The following FHIP1A variants were observed in gnomAD, a reference collection of about 807,000 sequenced individuals.
FHIP1A encodes FHF complex subunit HOOK-interacting protein 1A.
A neutral mutation model predicts 88.6 loss-of-function variants in FHIP1A; 61 were observed. The ratio of observed to expected loss-of-function variants is 0.69; its 90% CI spans 0.56 to 0.85. FHIP1A has a LOEUF of 0.85. Among genes scored for constraint, FHIP1A ranks in the 40% least tolerant of loss-of-function variants. The pLI, the probability that FHIP1A is intolerant of heterozygous loss-of-function variation, is 0.00. For missense variants in FHIP1A, 1,154 were observed against 1,273.5 expected (o/e 0.91, Z 1.43); for synonymous variants, 478 against 496.0 (o/e 0.96, Z 0.48).
At chr4:151,459,983 T>G (rs1403553028) in intron 2 of FHIP1A, among the ~76,000 whole-genome samples, 3 of 152,204 alleles carry the variant, frequency 2.0e-5, no homozygotes, top group Non-Finnish European at 4.4e-5. Flanking sequence ...AAAGGGAATC[T>G]TTAGATTGCT....
At chr4:151,653,588 T>C (rs1737114008) in intron 11 of FHIP1A, among the ~76,000 whole-genome samples, 1 of 152,206 alleles carries the variant, frequency 6.6e-6, no homozygotes, top group Admixed American at 6.5e-5. Flanking sequence ...ACTTAGCACA[T>C]TGCCTGGCAG....
At chr4:151,515,151 T>G (rs1731181167) in intron 3 of FHIP1A, among the ~76,000 whole-genome samples, 1 of 152,158 alleles carries the variant, frequency 6.6e-6, no homozygotes, top group African/African-American at 2.4e-5. Context: ...TGGTTCAATA[T>G]ATGCAAATCA....
chr4:151,420,347 A>G (rs181125710), intron 1 of FHIP1A, among the ~76,000 whole-genome samples: 3,638 of 37,728 alleles, frequency 0.096, 1,175 homozygotes, highest in African/African-American at 0.32. Context: ...GCCAGTGATG[A>G]TGAGCATTTC....
At chr4:151,502,843 T>A (rs1205114932) in intron 3 of FHIP1A, among the ~76,000 whole-genome samples, 1 of 152,174 alleles carries the variant, frequency 6.6e-6, no homozygotes, top group East Asian at 1.9e-4. Context: ...TAGAGAGGTG[T>A]CATTTCTCTG....
intron 9 of FHIP1A, among the ~76,000 whole-genome samples, chr4:151,640,264 G>A (rs1736537464): frequency 1.3e-5 from 2 of 152,322 alleles, no homozygotes; most frequent in East Asian, 3.9e-4. Flanking sequence ...GTGTGAAAAA[G>A]CTGGTAGTGG....
At chr4:151,415,836 C>G (rs944437560) in intron 1 of FHIP1A, among the ~76,000 whole-genome samples, 3 of 151,922 alleles carry the variant, frequency 2.0e-5, no homozygotes, top group Non-Finnish European at 4.4e-5. Flanking sequence ...ATTTCAGGTT[C>G]TTTTTGGTTT....
Position 151,526,332 on chromosome 4 carries a change from G to A in FHIP1A, c.-122-39806G>A, listed in dbSNP as rs564422176. On this transcript the variant is annotated intron_variant, in intron 3 of 13. Coordinates refer to ENST00000435205, the MANE Select transcript of FHIP1A (RefSeq NM_001109977.3). ...GAGCTCCTCACTTCCCAGTAGGGGC[G>A]GCCGGGCAGAGGCGCCCCTCACCTC... 1.8e-4 allele frequency among the ~76,000 whole-genome samples: 28 copies of A among 152,072 alleles called. No homozygotes were observed. In the South Asian group the frequency reaches 3.1e-3, roughly 17 times the overall value.
chr4:151,431,457 A>G (rs1733588949), intron 1 of FHIP1A, among the ~76,000 whole-genome samples: 1 of 152,060 alleles, frequency 6.6e-6, no homozygotes, highest in Non-Finnish European at 1.5e-5. Flanking sequence ...TTTGTAATGT[A>G]TTTAATAGGT....
intron 3 of FHIP1A, among the ~76,000 whole-genome samples, chr4:151,485,881 G>C (rs1730065692): frequency 6.6e-6 from 1 of 152,160 alleles, no homozygotes; most frequent in Admixed American, 6.6e-5. Context: ...GGGCCACTGT[G>C]CCTGGCTGAG....
At chr4:151,616,243 G>A (rs1429983121) in intron 7 of FHIP1A, among the ~76,000 whole-genome samples, 5 of 152,154 alleles carry the variant, frequency 3.3e-5, no homozygotes, top group African/African-American at 9.7e-5. Flanking sequence ...GTTGTGACAA[G>A]TTGAGAAATA....
At chr4:151,421,719 T>G (rs1246052516) in intron 1 of FHIP1A, among the ~76,000 whole-genome samples, 3 of 152,042 alleles carry the variant, frequency 2.0e-5, no homozygotes, top group Non-Finnish European at 4.4e-5. Context: ...GGGACCTCTC[T>G]TACTTTTTTC....
intron 7 of FHIP1A, among the ~76,000 whole-genome samples, chr4:151,622,722 T>C (rs948525074): frequency 3.3e-5 from 5 of 152,106 alleles, no homozygotes; most frequent in Admixed American, 6.6e-5. Context: ...TGTGGAACAA[T>C]TAGTAAACAA....
chr4:151,562,212 T>C (rs1395140120), intron 3 of FHIP1A, among the ~76,000 whole-genome samples: 1 of 152,166 alleles, frequency 6.6e-6, no homozygotes, highest in Non-Finnish European at 1.5e-5. Context: ...TGTTCCCTAC[T>C]TTAAATCTAC....
At chr4:151,528,356 G>A (rs867226656) in intron 3 of FHIP1A, among the ~76,000 whole-genome samples, 4 of 152,226 alleles carry the variant, frequency 2.6e-5, no homozygotes, top group Admixed American at 6.5e-5. Flanking sequence ...AGGCGCTGAA[G>A]TAGATAGCTA....
chr4:151,566,381 A>C lies in FHIP1A; in HGVS notation c.105+17A>C, dbSNP rs1336490431. ...TGGGCACAGGTAATGTATGAATTCC[A>C]CTTTTTTTGCTGGTCTCAGTAACCC... On this transcript the variant is annotated intron_variant, in intron 4 of 13. Coordinates refer to ENST00000435205, the MANE Select transcript of FHIP1A (RefSeq NM_001109977.3). The C allele has an allele frequency of 1.3e-6, 2 of 1,494,528 alleles. No homozygotes were observed. Among genetic ancestry groups the C allele is most frequent in the Admixed American group, 3.9e-5 (2 of 50,800 alleles). 92.6% of individuals were successfully genotyped at this position (1,494,528 alleles called of 1,614,324 possible). A position where few individuals can be genotyped will look rare whatever the true frequency, so the allele number is the denominator to read the frequency against.
intron 8 of FHIP1A, 119 bp from the exon 9 acceptor site, chr4:151,638,558 A>C (rs2126890879): frequency 1.8e-6 from 1 of 559,978 alleles, no homozygotes; most frequent in South Asian, 2.9e-5. Flanking sequence ...CTTTTTATCA[A>C]AACTGCTAAA....
chr4:151,410,651 C>A (rs1383620622), intron 1 of FHIP1A, among the ~76,000 whole-genome samples: 1 of 152,200 alleles, frequency 6.6e-6, no homozygotes, highest in Non-Finnish European at 1.5e-5. Flanking sequence ...AGGATGCTGT[C>A]CCCGAAGCTG....
chr4:151,631,382 A>C (rs1426181912), intron 8 of FHIP1A, among the ~76,000 whole-genome samples: 1 of 152,160 alleles, frequency 6.6e-6, no homozygotes, highest in Non-Finnish European at 1.5e-5. Flanking sequence ...GAAATAGACA[A>C]ATTCTAGAAA....
At chr4:151,557,914 T>C (rs1733015212) in intron 3 of FHIP1A, among the ~76,000 whole-genome samples, 1 of 152,198 alleles carries the variant, frequency 6.6e-6, no homozygotes, top group Non-Finnish European at 1.5e-5. Flanking sequence ...TGAGCTAGAC[T>C]TACACGTGTA....
Sources: gnomAD v4.1 joint callset for allele counts (sites outside exome capture counted in the v4.1 genomes callset) on GRCh38, gnomAD v4.1.1 for gene constraint, MANE v1.5 for transcripts, NCBI Gene and HGNC (gene_info 2026-07-23, HGNC 2026-07-21) for gene names.